PHACTR1: variants seen among roughly 807,000 people sequenced by gnomAD.
PHACTR1 encodes the protein RPEL repeat containing 1.
In PHACTR1, 16 loss-of-function variants were observed where a neutral mutation model predicts 69.2. The ratio of observed to expected loss-of-function variants is 0.23; its 90% CI spans 0.16 to 0.35. The LOEUF (loss-of-function observed/expected upper bound fraction) is 0.35. PHACTR1 is among the 10% of genes least tolerant of loss of function. The probability of loss-of-function intolerance (pLI) is 1.00; values close to 1 mark genes in which losing one functional copy is unlikely to be tolerated. For synonymous variants in PHACTR1, 312 were observed against 284.5 expected, an observed-to-expected ratio of 1.10 and a Z score of -0.97; for missense variants, 510 against 734.7, an observed-to-expected ratio of 0.69 and a Z score of 3.54.
At position 13,278,284 on chromosome 6, in the gene PHACTR1, G is replaced by A. The variant is rs1416956637; in HGVS notation, c.1464G>A (p.Glu488=). 1.3e-6 allele frequency: 2 copies of A among 1,597,894 alleles called. No individual in the cohort carries two copies. The highest frequency in any genetic ancestry group is 1.7e-6 in the Non-Finnish European group (2 of 1,172,022). The part of the protein sequence containing the change: ...RNILKPRNEQ[E]EQEEKREIKR... ...TTTTTTTAGCTCGGAATGAACAAGA[G>A]GAACAGGAGGAGAAGAGAGAGATCA... is the stretch of plus-strand genomic sequence containing the variant. Residue 488 remains glutamate, a synonymous_variant, in exon 12 of 15, where the codon GAG becomes GAA. Coordinates refer to ENST00000332995, the MANE Select transcript of PHACTR1 (RefSeq NM_030948.6).
At chr6:13,027,832 C>T (rs1489353656) in intron 4 of PHACTR1, among the ~76,000 whole-genome samples, 2 of 152,160 alleles carry the variant, frequency 1.3e-5, no homozygotes, top group Non-Finnish European at 2.9e-5. Context: ...TGCGCCACCA[C>T]ACCCAGCTAA....
rs1429592236 is a variant in PHACTR1 at position 13,283,901 on chromosome 6, G to A, written c.1650+339G>A. The A allele has an allele frequency of 6.6e-6, 2 of 302,892 alleles. No homozygotes were observed. Among genetic ancestry groups the A allele is most frequent in the Non-Finnish European group, 1.3e-5 (2 of 156,630 alleles). The allele number at this position is 302,892 out of a possible 1,614,324, so 18.8% of individuals were successfully genotyped here. On this transcript the variant is annotated intron_variant, in intron 13 of 14. Coordinates refer to ENST00000332995, the MANE Select transcript of PHACTR1 (RefSeq NM_030948.6). The surrounding 1 kb of genome is among the most constrained non-coding windows in gnomAD (Gnocchi z 4.7). ...GGCTCATCACAGCCCTTCCGTATAG[G>A]GGATGGTGCTGCCGGCATCCAACGA...
chr6:13,034,208 G>A (rs73366282), intron 4 of PHACTR1, among the ~76,000 whole-genome samples: 7,929 of 151,664 alleles, frequency 0.052, 483 homozygotes, highest in African/African-American at 0.14. Flanking sequence ...TAGTAGAGAC[G>A]GAGTTTCACC....
chr6:13,145,962 A>G (rs1224366621), intron 5 of PHACTR1, among the ~76,000 whole-genome samples: 3 of 152,222 alleles, frequency 2.0e-5, no homozygotes, highest in Admixed American at 1.3e-4. Flanking sequence ...ACGAAAGCCT[A>G]TCTGTACAAG....
chr6:12,729,415 G>A (rs1484166019), intron 3 of PHACTR1, among the ~76,000 whole-genome samples: 1 of 152,076 alleles, frequency 6.6e-6, no homozygotes, highest in Admixed American at 6.6e-5. Context: ...TTTGAGGGAG[G>A]ATAAAAAAGA....
chr6:12,989,384 T>C (rs1398351296), intron 4 of PHACTR1, among the ~76,000 whole-genome samples: 1 of 152,122 alleles, frequency 6.6e-6, no homozygotes, highest in African/African-American at 2.4e-5. Flanking sequence ...TGAATAACTT[T>C]GGGTAGTCAA....
intron 5 of PHACTR1, among the ~76,000 whole-genome samples, chr6:13,134,143 C>A (rs775958485): frequency 6.6e-6 from 1 of 152,022 alleles, no homozygotes; most frequent in Non-Finnish European, 1.5e-5. Context: ...GCCTGGCAGC[C>A]GCCCCCTCCA....
At chr6:13,264,028 G>C (rs1172895994) in intron 10 of PHACTR1, among the ~76,000 whole-genome samples, 1 of 152,208 alleles carries the variant, frequency 6.6e-6, no homozygotes, top group Non-Finnish European at 1.5e-5. Flanking sequence ...GGAGCTTTAT[G>C]CTTTGGGTTT....
intron 6 of PHACTR1, among the ~76,000 whole-genome samples, chr6:13,166,877 A>G (rs552545204): frequency 6.6e-5 from 10 of 152,252 alleles, no homozygotes; most frequent in South Asian, 6.2e-4. Flanking sequence ...AGGTTTTTCA[A>G]TCTGTGTTGG....
intron 6 of PHACTR1, among the ~76,000 whole-genome samples, chr6:13,163,568 T>C (rs1164820064): frequency 6.6e-6 from 1 of 152,224 alleles, no homozygotes; most frequent in Non-Finnish European, 1.5e-5. Context: ...GAAAACTTCG[T>C]TGCACATAGT....
intron 4 of PHACTR1, among the ~76,000 whole-genome samples, chr6:12,832,241 A>G (rs1777662527): frequency 6.6e-6 from 1 of 152,116 alleles, no homozygotes; most frequent in African/African-American, 2.4e-5. Context: ...CTGAAATTCC[A>G]GGGTACAGCA....
chr6:13,084,443 C>G (rs1251797331), intron 5 of PHACTR1, among the ~76,000 whole-genome samples: 1 of 150,836 alleles, frequency 6.6e-6, no homozygotes, highest in East Asian at 2.0e-4. Flanking sequence ...TTAATGGGTG[C>G]AGCATACCAA....
intron 4 of PHACTR1, among the ~76,000 whole-genome samples, chr6:12,951,156 GCT>G (rs1279436006): frequency 6.6e-6 from 1 of 152,202 alleles, no homozygotes; most frequent in Non-Finnish European, 1.5e-5. Flanking sequence ...GGTAATAACT[GCT>G]CTGTTATAGA....
chr6:13,249,056 A>AT (rs1468486999), intron 10 of PHACTR1, among the ~76,000 whole-genome samples: 3 of 152,280 alleles, frequency 2.0e-5, no homozygotes, highest in East Asian at 3.9e-4. Context: ...TAAAGGTTTG[A>AT]TTAACTGTTC....
intron 4 of PHACTR1, among the ~76,000 whole-genome samples, chr6:12,811,576 A>T (rs1581863316): frequency 6.6e-6 from 1 of 152,366 alleles, no homozygotes; most frequent in East Asian, 1.9e-4. Context: ...CTTTCAATTT[A>T]GAAAGATATG....
intron 10 of PHACTR1, among the ~76,000 whole-genome samples, chr6:13,262,084 A>G (rs1411577766): frequency 6.6e-6 from 1 of 152,136 alleles, no homozygotes; most frequent in African/African-American, 2.4e-5. Context: ...ATCATTCTGT[A>G]TGGGCTGGAG....
chr6:12,762,222 T>A (rs1561858905), intron 4 of PHACTR1, among the ~76,000 whole-genome samples: 1 of 152,218 alleles, frequency 6.6e-6, no homozygotes, highest in Non-Finnish European at 1.5e-5. Context: ...TATTTATTTA[T>A]TTGGTCTTTG....
At chr6:12,717,800 G>A (rs1054886810) in intron 2 of PHACTR1, 57 bp downstream of exon 2, 11 of 151,946 alleles carry the variant, frequency 7.2e-5, no homozygotes, top group South Asian at 4.2e-4. Context: ...TTGTCTTACC[G>A]GACTTGGTTT....
intron 4 of PHACTR1, among the ~76,000 whole-genome samples, chr6:12,768,921 C>T (rs2127622712): frequency 6.6e-6 from 1 of 151,754 alleles, no homozygotes; most frequent in South Asian, 2.1e-4. Flanking sequence ...GCAAGATGGG[C>T]AAACTCGGAG....
Sources: gnomAD v4.1 joint callset for allele counts (sites outside exome capture counted in the v4.1 genomes callset) on GRCh38, gnomAD v4.1.1 for gene constraint, Gnocchi (gnomAD v3.1) non-coding constraint, MANE v1.5 for transcripts, NCBI Gene and HGNC (gene_info 2026-07-23, HGNC 2026-07-21) for gene names.